The following GRIN2B variants were observed in gnomAD, a reference collection of about 807,000 sequenced individuals.
GRIN2B encodes glutamate receptor ionotropic, NMDA 2B.
Under a neutral mutation model 114.5 loss-of-function variants are expected in GRIN2B, and 5 were observed. The ratio of observed to expected loss-of-function variants is 0.04; its 90% confidence interval spans 0.02 to 0.09. The LOEUF is 0.09. Ranked by LOEUF, GRIN2B falls within the 10% of genes least tolerant of loss-of-function variation. GRIN2B has a pLI of 1.00. For missense variants in GRIN2B, 1,108 were observed against 1,943.5 expected, an observed-to-expected ratio of 0.57 and a Z score of 8.08; for synonymous variants, 787 against 745.1, an observed-to-expected ratio of 1.06 and a Z score of -0.92.
chr12:13,684,669 T>C (rs1950161420), intron 4 of GRIN2B, among the ~76,000 whole-genome samples: 1 of 152,168 alleles, frequency 6.6e-6, no homozygotes, highest in Non-Finnish European at 1.5e-5. Flanking sequence ...TTCCATGCTG[T>C]ATATAAGTTA....
At chr12:13,699,315 T>C (rs542591523) in intron 4 of GRIN2B, among the ~76,000 whole-genome samples, 3 of 152,294 alleles carry the variant, frequency 2.0e-5, no homozygotes, top group South Asian at 2.1e-4. Flanking sequence ...CTGGAACTAA[T>C]AGATAACTAA....
intron 3 of GRIN2B, among the ~76,000 whole-genome samples, chr12:13,776,194 A>G (rs777107356): frequency 3.9e-5 from 6 of 152,174 alleles, no homozygotes; most frequent in Non-Finnish European, 7.3e-5. Flanking sequence ...CAAATACCAC[A>G]TGTTCTCACT....
rs1256663386 is a variant in GRIN2B at position 13,546,749 on chromosome 12, T to G, written c.*16034A>C. 1 of 152,160 alleles carries G rather than the reference T, an allele frequency of 6.6e-6. No individual in the cohort carries two copies. The allele number at this position is 152,160 out of a possible 1,614,324, so 9.4% of individuals were successfully genotyped here. On this transcript the variant is annotated 3_prime_UTR_variant, in exon 14 of 14. Transcript: ENST00000609686. ...ACCCAGGGCCAAGGGGAGCTGAGGA[T>G]AGTGTCACATTACCAGCATGTTCAA... is the stretch of plus-strand genomic sequence containing the variant.
intron 10 of GRIN2B, among the ~76,000 whole-genome samples, chr12:13,602,943 A>G (rs559748750): frequency 4.8e-4 from 73 of 152,316 alleles, no homozygotes; most frequent in South Asian, 1.9e-3. Flanking sequence ...TTGCAGCCAG[A>G]TACCCTGGAG....
At chr12:13,642,121 G>T (rs1565486240) in intron 5 of GRIN2B, among the ~76,000 whole-genome samples, 1 of 152,112 alleles carries the variant, frequency 6.6e-6, no homozygotes, top group Non-Finnish European at 1.5e-5. Flanking sequence ...TCCAGAAGCA[G>T]ATGTTGCAGT....
At chr12:13,810,934 C>T (rs1371634978) in intron 3 of GRIN2B, among the ~76,000 whole-genome samples, 1 of 152,216 alleles carries the variant, frequency 6.6e-6, no homozygotes, top group Non-Finnish European at 1.5e-5. Context: ...AACCATCTAC[C>T]ACCTGGTCTG....
intron 4 of GRIN2B, among the ~76,000 whole-genome samples, chr12:13,750,540 A>G (rs542726105): frequency 6.6e-6 from 1 of 152,340 alleles, no homozygotes; most frequent in East Asian, 1.9e-4. Flanking sequence ...CAGATGTTTT[A>G]GTCTCAGTAG....
chr12:13,615,359 A>T lies in GRIN2B; in HGVS notation c.1501-92T>A. 6.9e-7 allele frequency: 1 copy of T among 1,448,336 alleles called. No homozygotes were observed. The allele number at this position is 1,448,336 out of a possible 1,614,324, so 89.7% of individuals were successfully genotyped here. On this transcript the variant is annotated intron_variant, in intron 7 of 13. Transcript: ENST00000609686. This position sits in a 1 kb window ranked among gnomAD's most constrained non-coding sequence, Gnocchi z 5.8. ...ACAGCCTATCAGTGGTTTTCTTTGTATAGTGGGAACAATACATCTTATTTG... is the reference window on the plus strand; with the variant it reads ...ACAGCCTATCAGTGGTTTTCTTTGTTTAGTGGGAACAATACATCTTATTTG...
intron 2 of GRIN2B, among the ~76,000 whole-genome samples, chr12:13,882,754 A>G (rs1720132032): frequency 6.6e-6 from 1 of 152,232 alleles, no homozygotes; most frequent in African/African-American, 2.4e-5. Flanking sequence ...AAAATCTTTT[A>G]AGATCCAGTT....
chr12:13,719,209 C>T (rs1950486816), intron 4 of GRIN2B, among the ~76,000 whole-genome samples: 1 of 152,074 alleles, frequency 6.6e-6, no homozygotes, highest in African/African-American at 2.4e-5. Context: ...ACTTTCTCTC[C>T]TGCACAGTGA....
intron 5 of GRIN2B, among the ~76,000 whole-genome samples, chr12:13,672,369 A>C (rs140011662): frequency 6.6e-6 from 1 of 152,098 alleles, no homozygotes; most frequent in Non-Finnish European, 1.5e-5. Context: ...CAGTGTTCAA[A>C]TCCTCCCTGT....
chr12:13,745,154 T>A (rs1002828959), intron 4 of GRIN2B, among the ~76,000 whole-genome samples: 1 of 152,152 alleles, frequency 6.6e-6, no homozygotes, highest in Non-Finnish European at 1.5e-5. Context: ...GGGAAGCTCA[T>A]GTTAGTTAAG....
Position 13,716,681 on chromosome 12 carries a change from T to A in GRIN2B, c.1010+36636A>T, listed in dbSNP as rs555106391. On this transcript the variant is annotated intron_variant, in intron 4 of 13. Transcript: ENST00000609686. ...AATTCTTCTTTCCCACATTTCCAGT[T>A]GAAGGATTAATCTGTCCTCTGAGAG... Among the ~76,000 whole-genome samples, 3 of 152,104 alleles carry A rather than the reference T, an allele frequency of 2.0e-5. No homozygotes were observed. The South Asian group carries it at 6.2e-4, about 32-fold the overall frequency.
rs1950430177 is a variant in GRIN2B, at chr12:13,713,321, G to C, written c.1011-37462C>G. 2.0e-5 allele frequency among the ~76,000 whole-genome samples: 3 copies of C among 151,774 alleles called. No homozygotes were observed. In the South Asian group the frequency reaches 6.2e-4, roughly 32 times the overall value. ...TTCCACCAAATCTCCATTCCTATTA[G>C]CCCTAATAATTTTAGCAAGTGATCA... On this transcript the variant is annotated intron_variant, in intron 4 of 13. Transcript: ENST00000609686.
At chr12:13,702,430 T>C (rs969923496) in intron 4 of GRIN2B, among the ~76,000 whole-genome samples, 6 of 152,208 alleles carry the variant, frequency 3.9e-5, no homozygotes. Context: ...TGGTCTGGCC[T>C]TATTATGCTC....
intron 3 of GRIN2B, among the ~76,000 whole-genome samples, chr12:13,778,677 G>A (rs1181193240): frequency 1.3e-5 from 2 of 152,132 alleles, no homozygotes; most frequent in African/African-American, 2.4e-5. Context: ...CATCAAGAAC[G>A]ATCTTACTTG....
intron 3 of GRIN2B, among the ~76,000 whole-genome samples, chr12:13,847,443 C>T (rs1865489538): frequency 6.6e-6 from 1 of 152,110 alleles, no homozygotes; most frequent in Admixed American, 6.6e-5. Flanking sequence ...GACAATAAAG[C>T]TAATGTTTGA....
chr12:13,730,014 T>C (rs1385272332), intron 4 of GRIN2B, among the ~76,000 whole-genome samples: 1 of 151,402 alleles, frequency 6.6e-6, no homozygotes, highest in African/African-American at 2.4e-5. Context: ...TTCAGGATGA[T>C]TCCCCATTCC....
intron 4 of GRIN2B, among the ~76,000 whole-genome samples, chr12:13,690,861 T>G (rs1834484741): frequency 6.6e-6 from 1 of 152,220 alleles, no homozygotes; most frequent in Admixed American, 6.5e-5. Context: ...AAATATATGT[T>G]AAAATTAATA....
Sources: gnomAD v4.1 joint callset for allele counts (sites outside exome capture counted in the v4.1 genomes callset) on GRCh38, gnomAD v4.1.1 for gene constraint, Gnocchi (gnomAD v3.1) non-coding constraint, MANE v1.5 for transcripts, NCBI Gene and HGNC (gene_info 2026-07-23, HGNC 2026-07-21) for gene names.